Variants in TMC1 observed in about 807,000 individuals in gnomAD.
TMC1 encodes the protein transmembrane channel-like protein 1.
A neutral mutation model predicts 105.8 loss-of-function variants in TMC1; 84 were observed. The observed-to-expected ratio is 0.79, with a 90% CI of 0.67 to 0.95. The LOEUF is 0.95. Among genes scored for constraint, TMC1 ranks in the 40% least tolerant of loss-of-function variants. The pLI is 0.00. For synonymous variants in TMC1, 315 were observed against 311.5 expected (o/e 1.01, Z -0.12); for missense variants, 817 against 914.1 (o/e 0.89, Z 1.37).
chr9:72,711,521 A>G (rs1242494876), intron 8 of TMC1, among the ~76,000 whole-genome samples: 1 of 152,224 alleles, frequency 6.6e-6, no homozygotes, highest in Non-Finnish European at 1.5e-5. Flanking sequence ...ATAACCAGTG[A>G]TGATGAGCCT....
intron 5 of TMC1, among the ~76,000 whole-genome samples, chr9:72,666,093 A>G (rs949426786): frequency 6.6e-6 from 1 of 152,184 alleles, no homozygotes; most frequent in African/African-American, 2.4e-5. Context: ...GAAATTTTGA[A>G]AGGAAAGGTT....
chr9:72,703,398 A>G (rs1200638688), intron 8 of TMC1, among the ~76,000 whole-genome samples: 1 of 152,178 alleles, frequency 6.6e-6, no homozygotes, highest in Non-Finnish European at 1.5e-5. Context: ...AAGTGCTGAG[A>G]TTATAGGCAT....
intron 12 of TMC1, among the ~76,000 whole-genome samples, chr9:72,755,939 A>C (rs1265625659): frequency 6.6e-6 from 1 of 152,186 alleles, no homozygotes; most frequent in Non-Finnish European, 1.5e-5. Context: ...AGGCTAAATG[A>C]ATCTCATTGA....
chr9:72,588,067 G>A (rs932874438), intron 2 of TMC1, among the ~76,000 whole-genome samples: 17 of 152,224 alleles, frequency 1.1e-4, no homozygotes, highest in Admixed American at 1.1e-3. Flanking sequence ...GGGATTACAG[G>A]TGTGAGCCAT....
Position 72,830,720 on chromosome 9 carries a change from T to G in TMC1, c.2260+38T>G, listed in dbSNP as rs760286803. 5.2e-6 allele frequency: 8 copies of G among 1,542,166 alleles called. No homozygotes were observed. In the African/African-American group the frequency reaches 5.6e-5, roughly 11 times the overall value. On this transcript the variant is annotated intron_variant, in intron 23 of 23. Transcript: ENST00000297784. ...TTTATGTTTGTAATGTTTGTAATTT[T>G]TCTTTTTCTTTTTCTTTCTTTTTTT...
chr9:72,644,345 A>G (rs1825675701), intron 4 of TMC1, among the ~76,000 whole-genome samples: 1 of 151,982 alleles, frequency 6.6e-6, no homozygotes. Context: ...AAATCTGCCT[A>G]ACCCATAGCC....
intron 17 of TMC1, among the ~76,000 whole-genome samples, chr9:72,800,046 C>T (rs756095010): frequency 2.0e-5 from 3 of 152,188 alleles, no homozygotes; most frequent in Non-Finnish European, 4.4e-5. Context: ...GAAACATATT[C>T]TCTTCCCAAG....
At chr9:72,786,086 A>G (rs1828162781) in intron 13 of TMC1, among the ~76,000 whole-genome samples, 1 of 152,206 alleles carries the variant, frequency 6.6e-6, no homozygotes, top group African/African-American at 2.4e-5. Context: ...CACCCATGAA[A>G]TAACCAAATG....
At chr9:72,625,681 C>T (rs1025491675) in intron 3 of TMC1, among the ~76,000 whole-genome samples, 103 of 135,660 alleles carry the variant, frequency 7.6e-4, no homozygotes, top group African/African-American at 2.9e-3. Flanking sequence ...GAGCGAGACT[C>T]TGTCTCAAAA....
chr9:72,642,768 A>T (rs536919504), intron 4 of TMC1, among the ~76,000 whole-genome samples: 1 of 152,230 alleles, frequency 6.6e-6, no homozygotes, highest in African/African-American at 2.4e-5. Flanking sequence ...GATATAATTC[A>T]GATGTAATAA....
At chr9:72,680,135 G>T (rs1001479444) in intron 5 of TMC1, among the ~76,000 whole-genome samples, 1 of 152,056 alleles carries the variant, frequency 6.6e-6, no homozygotes, top group African/African-American at 2.4e-5. Flanking sequence ...TGGCTGAAGT[G>T]CTCCTGATTC....
intron 1 of TMC1, among the ~76,000 whole-genome samples, chr9:72,522,421 TA>T (rs1823329347): frequency 6.6e-6 from 1 of 152,184 alleles, no homozygotes; most frequent in Non-Finnish European, 1.5e-5. Context: ...GTTTAAATGT[TA>T]AAATTAAATG....
chr9:72,730,817 T>C (rs1171898494), intron 8 of TMC1, among the ~76,000 whole-genome samples: 1 of 152,214 alleles, frequency 6.6e-6, no homozygotes, highest in African/African-American at 2.4e-5. Context: ...CATCAGGAAT[T>C]AGATTCTCAT....
rs762248733 is a variant in TMC1 at position 72,805,399 on chromosome 9, A to C, written c.1584A>C (p.Thr528=). 6.2e-7 allele frequency: 1 copy of C among 1,614,004 alleles called. No homozygotes were observed. Among genetic ancestry groups the C allele is most frequent in the South Asian group, 1.1e-5 (1 of 91,080 alleles). Residue 528 remains threonine, a synonymous_variant, in exon 18 of 24, where the codon ACA becomes ACC. Coordinates refer to ENST00000297784, the MANE Select transcript of TMC1 (RefSeq NM_138691.3). The part of the protein sequence containing the change: ...TMVGQEFVRL[T]VSDVLTTYVT... ...CTCAACAGGAGTTTGTGAGGCTGAC[A>C]GTCTCTGATGTTCTGACCACCTACG...
intron 6 of TMC1, among the ~76,000 whole-genome samples, chr9:72,693,513 T>C (rs1309686840): frequency 1.3e-5 from 2 of 152,204 alleles, no homozygotes; most frequent in Non-Finnish European, 2.9e-5. Flanking sequence ...TGTATAATTT[T>C]CAAAGTTGTC....
rs1162551392 is a variant in TMC1, at chr9:72,754,780, A to G, written c.643-6A>G. 6.2e-7 allele frequency: 1 copy of G among 1,609,776 alleles called. No individual in the cohort carries two copies. Among genetic ancestry groups the G allele is most frequent in the South Asian group, 1.1e-5 (1 of 90,972 alleles). On this transcript the variant is annotated splice_region_variant and splice_polypyrimidine_tract_variant and intron_variant, in intron 11 of 23. Transcript: ENST00000297784. The stretch of plus-strand genomic sequence containing the variant: ...TGTTCACTGCTTTCTTTGCTTCTTC[A>G]TACAGTACCTCTGGGGTTTGCCATA...
At chr9:72,688,973 T>G (rs1371450250) in intron 6 of TMC1, among the ~76,000 whole-genome samples, 3 of 152,104 alleles carry the variant, frequency 2.0e-5, no homozygotes, top group African/African-American at 7.2e-5. Context: ...GTTCCCTTGA[T>G]TGCTTGCTGA....
intron 13 of TMC1, among the ~76,000 whole-genome samples, chr9:72,783,365 C>A (rs72733075): frequency 0.1 from 15,278 of 152,126 alleles, 877 homozygotes; most frequent in Non-Finnish European, 0.14. Context: ...TGGTGTAAGT[C>A]CCAGAGTCCA....
At chr9:72,777,498 A>G (rs1828024734) in intron 13 of TMC1, among the ~76,000 whole-genome samples, 1 of 152,204 alleles carries the variant, frequency 6.6e-6, no homozygotes, top group Non-Finnish European at 1.5e-5. Flanking sequence ...GACCTGGCCT[A>G]CAGGGCATGA....
Sources: gnomAD v4.1 joint callset for allele counts (sites outside exome capture counted in the v4.1 genomes callset) on GRCh38, gnomAD v4.1.1 for gene constraint, MANE v1.5 for transcripts, NCBI Gene and HGNC (gene_info 2026-07-23, HGNC 2026-07-21) for gene names.